Variants in SYNCRIP observed in about 807,000 individuals in gnomAD.
SYNCRIP encodes heterogeneous nuclear ribonucleoprotein Q.
SYNCRIP carries 9 observed loss-of-function variants against 68.9 expected under a neutral mutation model. That is an observed-to-expected ratio of 0.13 (90% CI 0.08 to 0.23). SYNCRIP has a LOEUF of 0.23. SYNCRIP is among the 10% of genes least tolerant of loss of function. The pLI is 1.00. For missense variants in SYNCRIP, 414 were observed against 770.6 expected (o/e 0.54, Z 5.48); for synonymous variants, 258 against 254.0 (o/e 1.02, Z -0.15).
At chr6:85,613,334 A>C (rs1805400221), downstream of SYNCRIP, among the ~76,000 whole-genome samples, 1 of 152,224 alleles carries the variant, frequency 6.6e-6, no homozygotes, top group African/African-American at 2.4e-5. Flanking sequence ...TTTGACCTTG[A>C]GATTTGAAAT....
downstream of SYNCRIP, among the ~76,000 whole-genome samples, chr6:85,613,584 C>A (rs995579502): frequency 6.6e-6 from 1 of 152,188 alleles, no homozygotes; most frequent in African/African-American, 2.4e-5. Flanking sequence ...AAACAAAAAT[C>A]CAAACTATTA....
chr6:85,625,975 T>C (rs953293837), intron 6 of SYNCRIP, among the ~76,000 whole-genome samples: 2 of 152,176 alleles, frequency 1.3e-5, no homozygotes, highest in South Asian at 2.1e-4. Context: ...AGGATGCTGA[T>C]ACACATCTAA....
intron 7 of SYNCRIP, 64 bp downstream of exon 7, chr6:85,623,913 C>T: frequency 3.8e-6 from 6 of 1,580,596 alleles, no homozygotes; most frequent in Non-Finnish European, 5.2e-6. Context: ...GCATGACGCA[C>T]AGAAATATGC....
intron 6 of SYNCRIP, among the ~76,000 whole-genome samples, chr6:85,630,719 A>G (rs1179537267): frequency 2.6e-5 from 4 of 152,236 alleles, no homozygotes; most frequent in Admixed American, 6.5e-5. Flanking sequence ...CATGAGTTAC[A>G]TAAGAATATT....
chr6:85,620,506 G>C (rs1806268783), intron 8 of SYNCRIP, among the ~76,000 whole-genome samples: 1 of 152,208 alleles, frequency 6.6e-6, no homozygotes, highest in Non-Finnish European at 1.5e-5. Flanking sequence ...GTGGTTGAAT[G>C]GGGAGGGATG....
intron 6 of SYNCRIP, among the ~76,000 whole-genome samples, chr6:85,632,379 C>G (rs1807898752): frequency 6.6e-6 from 1 of 152,158 alleles, no homozygotes; most frequent in Non-Finnish European, 1.5e-5. Flanking sequence ...ATTAAAAACT[C>G]ACTTTGGATA....
intron 6 of SYNCRIP, among the ~76,000 whole-genome samples, chr6:85,636,201 T>C (rs540739574): frequency 2.0e-5 from 3 of 152,266 alleles, no homozygotes; most frequent in South Asian, 4.1e-4. Flanking sequence ...TCCCAGGACT[T>C]TGGGAGGCCG....
chr6:85,636,994 T>C lies in SYNCRIP; in HGVS notation c.639A>G (p.Lys213=). The C allele has an allele frequency of 6.2e-7, 1 of 1,610,356 alleles. No individual in the cohort carries two copies. The highest frequency in any genetic ancestry group is 8.5e-7 in the Non-Finnish European group (1 of 1,179,214). Reference sequence around the variant, plus strand: ...GTTTAACAGCCTCCTGAGCTGCTTCTTTTGTACAAAAAGTGACAAACGCAT... The same window carrying C: ...GTTTAACAGCCTCCTGAGCTGCTTCCTTTGTACAAAAAGTGACAAACGCAT... ...RGYAFVTFCT[K]EAAQEAVKLY... The change falls in exon 6 of 11, where the codon AAA becomes AAG. Residue 213 remains lysine (K), a synonymous_variant. Transcript: ENST00000369622.
intron 1 of SYNCRIP, among the ~76,000 whole-genome samples, chr6:85,642,418 C>G (rs1809303349): frequency 6.6e-6 from 1 of 152,182 alleles, no homozygotes; most frequent in South Asian, 2.1e-4. Context: ...GCTCAACGCC[C>G]GCGGGACCGT....
intron 6 of SYNCRIP, among the ~76,000 whole-genome samples, chr6:85,630,029 A>G (rs1807548533): frequency 6.6e-6 from 1 of 151,850 alleles, no homozygotes; most frequent in Non-Finnish European, 1.5e-5. Context: ...TACATAACCA[A>G]TCTGGTGACT....
rs1293723741 is a variant in SYNCRIP, at chr6:85,636,894, G to C, written c.666+73C>G. The C allele has an allele frequency of 7.7e-6, 11 of 1,436,040 alleles. No homozygotes were observed. In the Middle Eastern group the frequency reaches 9.1e-4, roughly 118 times the overall value. 89.0% of individuals were successfully genotyped at this position (1,436,040 alleles called of 1,614,324 possible). ...TCAAAAAATGTTTGGTAAACTCTTA[G>C]GCACACTAAGAAAAAAACTTGATAT... On this transcript the variant is annotated intron_variant, in intron 6 of 10. Coordinates refer to ENST00000369622, the MANE Select transcript of SYNCRIP (RefSeq NM_006372.5).
downstream of SYNCRIP, chr6:85,609,507 G>C (rs1805083859): frequency 6.6e-6 from 1 of 151,944 alleles, no homozygotes; most frequent in African/African-American, 2.4e-5. Flanking sequence ...TGGTAGAAAA[G>C]TTTCTTAAGC....
chr6:85,613,983 A>T lies in SYNCRIP; in HGVS notation c.*773T>A. ...ATACTTACCAACTTAAACTTACTAC[A>T]TGTATTATCTTTTTATTTTTGATGG... On this transcript the variant is annotated 3_prime_UTR_variant, in exon 11 of 11. Coordinates refer to ENST00000369622, the MANE Select transcript of SYNCRIP (RefSeq NM_006372.5). 1.0e-6 allele frequency: 1 copy of T among 983,646 alleles called. No homozygotes were observed. The highest frequency in any genetic ancestry group is 1.2e-6 in the Non-Finnish European group (1 of 828,264). 60.9% of individuals were successfully genotyped at this position (983,646 alleles called of 1,614,324 possible). A position where few individuals can be genotyped will look rare whatever the true frequency, so the allele number is the denominator to read the frequency against.
At chr6:85,617,189 T>A (rs1198349653) in intron 10 of SYNCRIP, among the ~76,000 whole-genome samples, 1 of 148,712 alleles carries the variant, frequency 6.7e-6, no homozygotes, top group Non-Finnish European at 1.5e-5. Flanking sequence ...ACGTGCTTAG[T>A]TAAAACTTAA....
Position 85,618,810 on chromosome 6 carries a change from T to G in SYNCRIP, c.1280+8A>C, listed in dbSNP as rs748955527. ...TATACAATTTTTAAGTATACAAATT[T>G]CACTCACATTTGATTTTTTGCTGCT... On this transcript the variant is annotated splice_region_variant and intron_variant, in intron 10 of 10. Coordinates refer to ENST00000369622, the MANE Select transcript of SYNCRIP (RefSeq NM_006372.5). The G allele has an allele frequency of 5.7e-6, 9 of 1,588,320 alleles. No individual in the cohort carries two copies. The highest frequency in any genetic ancestry group is 7.7e-6 in the Non-Finnish European group (9 of 1,166,140).
chr6:85,638,244 G>A (rs1472008504), intron 4 of SYNCRIP, among the ~76,000 whole-genome samples: 2 of 151,852 alleles, frequency 1.3e-5, no homozygotes, highest in South Asian at 2.1e-4. Context: ...GTGGTGGCAC[G>A]CGCCTGTAAT....
chr6:85,608,069 TG>T (rs779636050), downstream of SYNCRIP: 1 of 152,036 alleles, frequency 6.6e-6, no homozygotes, highest in Non-Finnish European at 1.5e-5. Flanking sequence ...TCAAATCCAA[TG>T]GCAAGTACGG....
intron 8 of SYNCRIP, among the ~76,000 whole-genome samples, chr6:85,621,993 G>A (rs1339954251): frequency 6.7e-6 from 1 of 148,688 alleles, no homozygotes. Flanking sequence ...TTTTCACTTT[G>A]CAGGCACATG....
At chr6:85,641,804 CCT>C (rs1013266117) in intron 1 of SYNCRIP, among the ~76,000 whole-genome samples, 2 of 152,136 alleles carry the variant, frequency 1.3e-5, no homozygotes, top group African/African-American at 2.4e-5. Flanking sequence ...AAACTGGGCT[CCT>C]CTCTCTCAAA....
Sources: gnomAD v4.1 joint callset for allele counts (sites outside exome capture counted in the v4.1 genomes callset) on GRCh38, gnomAD v4.1.1 for gene constraint, MANE v1.5 for transcripts, NCBI Gene and HGNC (gene_info 2026-07-23, HGNC 2026-07-21) for gene names.